COL15A1: variants seen among roughly 807,000 people sequenced by gnomAD.
The protein encoded by COL15A1 is collagen type XV alpha 1 chain.
In COL15A1, 111 loss-of-function variants were observed where a neutral mutation model predicts 165.9. The ratio of observed to expected loss-of-function variants is 0.67; its 90% confidence interval spans 0.57 to 0.78. COL15A1 has a LOEUF of 0.78. Ranked by LOEUF, COL15A1 falls within the 30% of genes least tolerant of loss-of-function variation. COL15A1 has a pLI of 0.00. For synonymous variants in COL15A1, 659 were observed against 674.8 expected, an observed-to-expected ratio of 0.98 and a Z score of 0.36; for missense variants, 1,745 against 1,789.7, an observed-to-expected ratio of 0.98 and a Z score of 0.45.
chr9:98,967,345 G>A (rs1032122112), intron 2 of COL15A1, among the ~76,000 whole-genome samples: 4 of 152,182 alleles, frequency 2.6e-5, no homozygotes, highest in African/African-American at 7.2e-5. Flanking sequence ...CAGCTCTGTT[G>A]GAGACCACAA....
chr9:98,949,833 T>C (rs140922800), intron 2 of COL15A1, among the ~76,000 whole-genome samples: 34 of 152,336 alleles, frequency 2.2e-4, no homozygotes, highest in African/African-American at 6.5e-4. Flanking sequence ...CATTAATCAA[T>C]TGCTCCCCAT....
At chr9:99,035,214 C>G in intron 18 of COL15A1, 60 bp downstream of exon 18, 1 of 1,574,466 alleles carries the variant, frequency 6.4e-7, no homozygotes. Context: ...ACTAGAAAGA[C>G]CAGCTAGCTA....
Position 99,003,492 on chromosome 9 carries a change from A to T in COL15A1, c.1105A>T (p.Ile369Phe). 1 of 1,560,488 alleles carries T rather than the reference A, an allele frequency of 6.4e-7. No individual in the cohort carries two copies. Among genetic ancestry groups the T allele is most frequent in the African/African-American group, 1.4e-5 (1 of 72,708 alleles). ...ATAAGLAEVP[I>F]STAGEAEASS... ...AGCAGCGGGGCTGGCCGAGGTGCCCATCAGCACTGCTGGAGAAGCAGAGGC... is the reference window on the plus strand; with the variant it reads ...AGCAGCGGGGCTGGCCGAGGTGCCCTTCAGCACTGCTGGAGAAGCAGAGGC... The change falls in exon 8 of 42, where the codon ATC (isoleucine) becomes TTC (phenylalanine). Residue 369 changes from isoleucine to phenylalanine, a missense_variant. Physicochemically the swap from Ile to Phe is conservative, Grantham distance 21. Coordinates refer to ENST00000375001, the MANE Select transcript of COL15A1 (RefSeq NM_001855.5).
Position 99,062,290 on chromosome 9 carries a change from G to A in COL15A1, c.3577G>A (p.Ala1193Thr), listed in dbSNP as rs768477492. 6.2e-7 allele frequency: 1 copy of A among 1,612,840 alleles called. No individual in the cohort carries two copies. The highest frequency in any genetic ancestry group is 8.5e-7 in the Non-Finnish European group (1 of 1,178,838). Residue 1193 changes from alanine to threonine, a missense_variant, in exon 38 of 42, where the codon GCG becomes ACG. Transcript: ENST00000375001. Reference protein sequence around the residue: ...PIPADSPPPPALSSNPHQLLP... With the variant: ...PIPADSPPPPTLSSNPHQLLP... ...TCCTGCCGACAGCCCTCCACCCCCT[G>A]CGCTTTCCAGCAACGTGAGTAGTTA...
At position 99,054,611 on chromosome 9, in the gene COL15A1, G is replaced by C; in HGVS notation, c.2986G>C (p.Gly996Arg). 6.2e-7 allele frequency: 1 copy of C among 1,613,440 alleles called. No homozygotes were observed. Among genetic ancestry groups the C allele is most frequent in the Non-Finnish European group, 8.5e-7 (1 of 1,179,734 alleles). ...KGEKGSWGLP[G>R]SKGEKGDQGA... ...AGAGAAAGGATCCTGGGGTCTTCCT[G>C]GCTCAAAGGGAGAAAAAGGCGACCA... is the stretch of plus-strand genomic sequence containing the variant. Residue 996 changes from glycine (G) to arginine (R), a missense_variant, in exon 32 of 42, where the codon GGC becomes CGC. By Grantham distance (125) the Gly-to-Arg change is moderately radical (BLOSUM62 -2). Coordinates refer to ENST00000375001, the MANE Select transcript of COL15A1 (RefSeq NM_001855.5).
At chr9:99,044,391 C>T (rs747388113) in intron 24 of COL15A1, among the ~76,000 whole-genome samples, 177 bp from the exon 25 acceptor site, 13 of 151,968 alleles carry the variant, frequency 8.6e-5, no homozygotes, top group South Asian at 2.1e-4. Flanking sequence ...TACTCTAGTA[C>T]GAGGTAATTT....
chr9:99,059,972 G>A lies in COL15A1; in HGVS notation c.3402+19G>A. On this transcript the variant is annotated intron_variant, in intron 36 of 41. Transcript: ENST00000375001. ...AAACCTGGTCAGTATTATCATCAGT[G>A]TGTAGTCATCATTCCATTTGGGATA... 1.9e-6 allele frequency: 3 copies of A among 1,612,188 alleles called. No homozygotes were observed. Among genetic ancestry groups the A allele is most frequent in the Middle Eastern group, 1.7e-4 (1 of 6,056 alleles).
chr9:99,011,137 G>A (rs905161385), intron 9 of COL15A1, among the ~76,000 whole-genome samples: 23 of 152,156 alleles, frequency 1.5e-4, no homozygotes. Flanking sequence ...CGAACTTTGT[G>A]TAAAAAAATT....
chr9:98,954,777 C>T (rs913022695), intron 2 of COL15A1, among the ~76,000 whole-genome samples: 4 of 152,166 alleles, frequency 2.6e-5, no homozygotes, highest in Admixed American at 2.0e-4. Context: ...CATATGAGAA[C>T]GCCAAGCCCA....
intron 9 of COL15A1, among the ~76,000 whole-genome samples, chr9:99,013,406 G>C (rs142468455): frequency 6.6e-6 from 1 of 152,242 alleles, no homozygotes; most frequent in African/African-American, 2.4e-5. Context: ...CCATTTATCT[G>C]TGAAAACAAT....
intron 5 of COL15A1, among the ~76,000 whole-genome samples, chr9:98,992,301 C>T (rs954816922): frequency 1.2e-4 from 18 of 152,232 alleles, no homozygotes; most frequent in Non-Finnish European, 2.1e-4. Flanking sequence ...GCGGGCCGGT[C>T]GGCAGTGCTG....
At chr9:99,069,194 G>A (rs894717323) in intron 41 of COL15A1, among the ~76,000 whole-genome samples, 1 of 152,150 alleles carries the variant, frequency 6.6e-6, no homozygotes, top group Non-Finnish European at 1.5e-5. Flanking sequence ...ACTTTTACAG[G>A]GCTCACAGTC....
At chr9:98,960,909 T>C (rs1380651324) in intron 2 of COL15A1, among the ~76,000 whole-genome samples, 1 of 152,220 alleles carries the variant, frequency 6.6e-6, no homozygotes, top group African/African-American at 2.4e-5. Context: ...CATTTGTAAG[T>C]CCATCTTGCT....
intron 2 of COL15A1, among the ~76,000 whole-genome samples, chr9:98,979,226 A>G (rs1338312478): frequency 6.6e-6 from 1 of 152,242 alleles, no homozygotes; most frequent in Non-Finnish European, 1.5e-5. Flanking sequence ...TAAAAAATTC[A>G]TAGACGTATG....
At chr9:98,966,004 G>A (rs1285581567) in intron 2 of COL15A1, among the ~76,000 whole-genome samples, 4 of 152,126 alleles carry the variant, frequency 2.6e-5, no homozygotes, top group South Asian at 2.1e-4. Context: ...CCAGCCCAGC[G>A]CCAAGTCCAG....
At chr9:99,016,454 CTGTG>C (rs1395133806) in intron 11 of COL15A1, among the ~76,000 whole-genome samples, 1 of 152,124 alleles carries the variant, frequency 6.6e-6, no homozygotes. Context: ...AGCATCAGTG[CTGTG>C]TGTGTGTTGG....
chr9:99,024,409 C>T (rs552627418), intron 14 of COL15A1, among the ~76,000 whole-genome samples: 13 of 151,906 alleles, frequency 8.6e-5, no homozygotes, highest in Admixed American at 4.6e-4. Context: ...CTCAGCCTCC[C>T]GAGTAGCTGG....
Position 99,022,168 on chromosome 9 carries a change from G to T in COL15A1, c.1761+18G>T. On this transcript the variant is annotated intron_variant, in intron 13 of 41. Coordinates refer to ENST00000375001, the MANE Select transcript of COL15A1 (RefSeq NM_001855.5). ...GACCCACGGTGAGATTCCCATCCAGGCTTGTCACACACACAGGTGTAAGAC... is the reference window on the plus strand; with the variant it reads ...GACCCACGGTGAGATTCCCATCCAGTCTTGTCACACACACAGGTGTAAGAC... The T allele has an allele frequency of 1.2e-6, 2 of 1,614,094 alleles. No homozygotes were observed. Among genetic ancestry groups the T allele is most frequent in the South Asian group, 1.1e-5 (1 of 91,086 alleles).
At chr9:99,020,829 C>T (rs1331236527) in intron 12 of COL15A1, among the ~76,000 whole-genome samples, 2 of 152,214 alleles carry the variant, frequency 1.3e-5, no homozygotes, top group African/African-American at 4.8e-5. Context: ...CAGACAAGAG[C>T]TTTTGAGGAC....
Sources: allele counts gnomAD v4.1 joint callset (sites outside exome capture counted in the v4.1 genomes callset), GRCh38; gene constraint gnomAD v4.1.1; transcripts MANE v1.5; gene names NCBI Gene and HGNC (gene_info 2026-07-23, HGNC 2026-07-21).